RAPGEF6: variants seen among roughly 807,000 people sequenced by gnomAD.
The protein encoded by RAPGEF6 is PDZ domain containing guanine nucleotide exchange factor (GEF) 2.
Under a neutral mutation model 171.4 loss-of-function variants are expected in RAPGEF6, and 56 were observed. That is an observed-to-expected ratio of 0.33 (90% confidence interval 0.26 to 0.41). The LOEUF (loss-of-function observed/expected upper bound fraction) is 0.41, where lower values mean the gene tolerates loss of function less well. Among genes scored for constraint, RAPGEF6 ranks in the 10% least tolerant of loss-of-function variants. The probability of loss-of-function intolerance (pLI) is 1.00; values close to 1 mark genes in which losing one functional copy is unlikely to be tolerated. For synonymous variants in RAPGEF6, 692 were observed against 650.1 expected, an observed-to-expected ratio of 1.06 and a Z score of -0.98; for missense variants, 1,674 against 1,921.4, an observed-to-expected ratio of 0.87 and a Z score of 2.41.
chr5:131,452,077 G>A (rs953504529), intron 21 of RAPGEF6, among the ~76,000 whole-genome samples: 4 of 152,116 alleles, frequency 2.6e-5, no homozygotes, highest in South Asian at 2.1e-4. Flanking sequence ...AAAATTAGCC[G>A]GGCGTAGTGG....
chr5:131,446,869 T>G, intron 21 of RAPGEF6, 166 bp from the exon 22 acceptor site: 2 of 654,724 alleles, frequency 3.1e-6, no homozygotes, highest in Non-Finnish European at 5.1e-6. Context: ...ATGGTGACGT[T>G]CTGAATTAAG....
chr5:131,567,936 A>G (rs1264641225), intron 4 of RAPGEF6, among the ~76,000 whole-genome samples: 3 of 152,230 alleles, frequency 2.0e-5, no homozygotes, highest in Non-Finnish European at 4.4e-5. Flanking sequence ...TTTTAACACT[A>G]CGAAATTTTG....
rs1054730278 is a variant in RAPGEF6, at chr5:131,506,326, C to G, written c.943-804G>C. ...TGGTCAATTTATTTTTTAATAGAGA[C>G]AGGTCTTGCTATGTTCCCCAGGCTG... On this transcript the variant is annotated intron_variant, in intron 9 of 27. Coordinates refer to ENST00000509018, the MANE Select transcript of RAPGEF6 (RefSeq NM_016340.6). Among the ~76,000 whole-genome samples, 4 of 152,234 alleles carry G rather than the reference C, an allele frequency of 2.6e-5. No homozygotes were observed. The South Asian group carries it at 8.3e-4, about 32-fold the overall frequency.
chr5:131,437,813 G>A (rs1752108986), intron 24 of RAPGEF6, among the ~76,000 whole-genome samples: 1 of 152,190 alleles, frequency 6.6e-6, no homozygotes, highest in Non-Finnish European at 1.5e-5. Flanking sequence ...GTGTCCTGAG[G>A]TGGCCGCAGA....
intron 6 of RAPGEF6, among the ~76,000 whole-genome samples, chr5:131,521,903 TCTCA>T (rs1409855827): frequency 1.4e-5 from 2 of 138,178 alleles, no homozygotes; most frequent in Admixed American, 1.4e-4. Flanking sequence ...TCTCTCTCTC[TCTCA>T]CACACACACT....
chr5:131,538,190 G>A (rs955601284), intron 6 of RAPGEF6, among the ~76,000 whole-genome samples: 1 of 152,122 alleles, frequency 6.6e-6, no homozygotes. Flanking sequence ...ACTGTATTAG[G>A]TATTATAAGT....
intron 6 of RAPGEF6, among the ~76,000 whole-genome samples, chr5:131,527,441 A>G (rs1262634387): frequency 6.6e-6 from 1 of 152,222 alleles, no homozygotes; most frequent in African/African-American, 2.4e-5. Context: ...ATGGAGGAAA[A>G]CAATATTCTC....
At chr5:131,621,030 T>C (rs1765562794) in intron 1 of RAPGEF6, among the ~76,000 whole-genome samples, 1 of 152,260 alleles carries the variant, frequency 6.6e-6, no homozygotes, top group Non-Finnish European at 1.5e-5. Flanking sequence ...CATTCATTCT[T>C]GTCCCAGTGT....
Position 131,425,053 on chromosome 5 carries a change from C to A in RAPGEF6, c.*2213G>T, listed in dbSNP as rs533048395. The A allele has an allele frequency of 3.8e-4, 58 of 152,350 alleles. No individual in the cohort carries two copies. The highest frequency in any genetic ancestry group is 1.4e-3 in the African/African-American group (58 of 41,534). The allele number at this position is 152,350 out of a possible 1,614,324, so 9.4% of individuals were successfully genotyped here. On this transcript the variant is annotated 3_prime_UTR_variant, in exon 28 of 28. Coordinates refer to ENST00000509018, the MANE Select transcript of RAPGEF6 (RefSeq NM_016340.6). ...GATTTTTTAAGGGATACATACATAA[C>A]AAACTACAAAGCATTTGGCTTTGGC...
intron 9 of RAPGEF6, among the ~76,000 whole-genome samples, chr5:131,506,134 A>C (rs1308641451): frequency 6.6e-6 from 1 of 152,136 alleles, no homozygotes; most frequent in Non-Finnish European, 1.5e-5. Context: ...TAATGCTCTA[A>C]GAAGTTATTT....
chr5:131,557,959 T>TA (rs1391626531), intron 5 of RAPGEF6, among the ~76,000 whole-genome samples: 3 of 152,330 alleles, frequency 2.0e-5, no homozygotes, highest in Admixed American at 2.0e-4. Context: ...TAACCTATAA[T>TA]ACTGCTTTTG....
chr5:131,516,967 C>T (rs1361549745), intron 7 of RAPGEF6, among the ~76,000 whole-genome samples: 1 of 152,174 alleles, frequency 6.6e-6, no homozygotes. Flanking sequence ...TGTAGCCACA[C>T]ATTTGGCCAT....
chr5:131,552,755 C>T (rs1760998802), intron 5 of RAPGEF6, among the ~76,000 whole-genome samples: 1 of 152,112 alleles, frequency 6.6e-6, no homozygotes, highest in Admixed American at 6.5e-5. Context: ...GCCACCACAC[C>T]AGGCCAACAA....
chr5:131,473,136 C>T (rs1754865788), intron 16 of RAPGEF6, among the ~76,000 whole-genome samples: 1 of 152,088 alleles, frequency 6.6e-6, no homozygotes, highest in Non-Finnish European at 1.5e-5. Flanking sequence ...TTTCTCTTTC[C>T]CTTTCTCCAG....
At chr5:131,442,245 A>C in intron 23 of RAPGEF6, 104 bp downstream of exon 23, 1 of 1,117,610 alleles carries the variant, frequency 8.9e-7, no homozygotes, top group African/African-American at 1.6e-5. Context: ...ATTATATTAC[A>C]CAACCTACAA....
chr5:131,564,197 A>T (rs1179456793), intron 4 of RAPGEF6, among the ~76,000 whole-genome samples: 1 of 152,228 alleles, frequency 6.6e-6, no homozygotes. Context: ...TTTGCAAGGC[A>T]GTGTTCCTGA....
intron 5 of RAPGEF6, among the ~76,000 whole-genome samples, chr5:131,554,246 C>T (rs1344905716): frequency 2.6e-5 from 4 of 151,690 alleles, no homozygotes; most frequent in African/African-American, 9.7e-5. Flanking sequence ...TATTTTCAGA[C>T]AAAAAAGAAA....
chr5:131,510,549 G>C, intron 7 of RAPGEF6, 58 bp from the exon 8 acceptor site: 2 of 1,527,846 alleles, frequency 1.3e-6, no homozygotes, highest in East Asian at 2.3e-5. Flanking sequence ...ATAAGTCACA[G>C]TCTGAATTAA....
chr5:131,615,015 C>T (rs1765178492), intron 1 of RAPGEF6, among the ~76,000 whole-genome samples: 1 of 152,130 alleles, frequency 6.6e-6, no homozygotes, highest in Non-Finnish European at 1.5e-5. Context: ...AGGCCTCACC[C>T]CAGATCTAGT....
Sources: allele counts gnomAD v4.1 joint callset (sites outside exome capture counted in the v4.1 genomes callset), GRCh38; gene constraint gnomAD v4.1.1; transcripts MANE v1.5; gene names NCBI Gene and HGNC (gene_info 2026-07-23, HGNC 2026-07-21).